The following GRHL3 variants were observed in gnomAD, a reference collection of about 807,000 sequenced individuals.
The protein encoded by GRHL3 is grainyhead-like protein 3 homolog.
A neutral mutation model predicts 70.3 loss-of-function variants in GRHL3; 20 were observed. That is an observed-to-expected ratio of 0.28 (90% confidence interval 0.20 to 0.41). GRHL3 has a LOEUF of 0.41. Among genes scored for constraint, GRHL3 ranks in the 10% least tolerant of loss-of-function variants. The pLI, the probability that GRHL3 is intolerant of heterozygous loss-of-function variation, is 1.00. For synonymous variants in GRHL3, 299 were observed against 299.9 expected, an observed-to-expected ratio of 1.00 and a Z score of 0.03; for missense variants, 637 against 762.3, an observed-to-expected ratio of 0.84 and a Z score of 1.94.
chr1:24,326,588 G>A (rs1450808523), intron 1 of GRHL3, among the ~76,000 whole-genome samples: 1 of 152,176 alleles, frequency 6.6e-6, no homozygotes, highest in Non-Finnish European at 1.5e-5. Context: ...CTCCGTGTCG[G>A]CAGGGATGAC....
chr1:24,343,034 A>G lies in GRHL3; in HGVS notation c.1419+9A>G, dbSNP rs866825041. 3.7e-6 allele frequency: 6 copies of G among 1,613,764 alleles called. No individual in the cohort carries two copies. The Middle Eastern group carries it at 8.3e-4, about 222-fold the overall frequency. ...TGCAGCGCTCTGGAGGGGTGAGGCC[A>G]GGGCTGGGGTCTCGGGAAGGAGCCG... On this transcript the variant is annotated intron_variant, in intron 11 of 15. Transcript: ENST00000361548.
intron 4 of GRHL3, 79 bp downstream of exon 4, chr1:24,336,906 A>G (rs1007616015): frequency 7.5e-7 from 1 of 1,337,746 alleles, no homozygotes; most frequent in Non-Finnish European, 1.0e-6. Context: ...TGAACAGATC[A>G]GAGCTTTGGA....
chr1:24,358,063 G>A (rs1202367102), downstream of GRHL3: 7 of 374,468 alleles, frequency 1.9e-5, no homozygotes, highest in East Asian at 5.1e-4. Context: ...GTAAGTGAGT[G>A]AGGTCAGAAA....
downstream of GRHL3, among the ~76,000 whole-genome samples, chr1:24,355,618 G>A (rs1340592588): frequency 3.9e-5 from 6 of 152,148 alleles, no homozygotes; most frequent in African/African-American, 1.2e-4. Context: ...CCTCACAGCT[G>A]AGGCCATCAG....
At position 24,336,778 on chromosome 1, in the gene GRHL3, C is replaced by CCA; in HGVS notation, c.568_569dup (p.Gln190HisfsTer24). ...TTTGAGAGCATTCATGGGGTGCCGC[C>CCA]CACACAGCGCTGGCAGCCAGACAGC... is the stretch of plus-strand genomic sequence containing the variant. On this transcript the variant is annotated frameshift_variant, in exon 4 of 16. Coordinates refer to ENST00000361548, the MANE Select transcript of GRHL3 (RefSeq NM_198173.3). LOFTEE classifies it high-confidence loss of function. The CCA allele has an allele frequency of 6.2e-7, 1 of 1,612,940 alleles. No individual in the cohort carries two copies. Among genetic ancestry groups the CCA allele is most frequent in the Non-Finnish European group, 8.5e-7 (1 of 1,179,376 alleles).
At chr1:24,336,862 T>A (rs765647968) in intron 4 of GRHL3, 35 bp downstream of exon 4, 10 of 1,479,316 alleles carry the variant, frequency 6.8e-6, no homozygotes, top group Middle Eastern at 1.8e-4. Context: ...ATAGCATAGA[T>A]ATGTGTGTGC....
At chr1:24,333,107 A>G (rs1569871187) in intron 2 of GRHL3, among the ~76,000 whole-genome samples, 1 of 152,352 alleles carries the variant, frequency 6.6e-6, no homozygotes, top group South Asian at 2.1e-4. Context: ...CAGGGCCAGT[A>G]TGGTAGAAGA....
At chr1:24,353,124 T>C (rs552815925) in intron 15 of GRHL3, among the ~76,000 whole-genome samples, 6 of 152,328 alleles carry the variant, frequency 3.9e-5, no homozygotes, top group African/African-American at 1.4e-4. Flanking sequence ...AAGGTTCAAA[T>C]CCCAGCCCTG....
intron 15 of GRHL3, chr1:24,360,857 C>G: frequency 1.2e-6 from 2 of 1,611,064 alleles, no homozygotes; most frequent in Non-Finnish European, 1.7e-6. Flanking sequence ...TGACCTGGGC[C>G]AGGCAGGCCT....
chr1:24,348,152 G>A (rs1472850013), intron 14 of GRHL3, among the ~76,000 whole-genome samples: 1 of 152,192 alleles, frequency 6.6e-6, no homozygotes, highest in African/African-American at 2.4e-5. Flanking sequence ...AAAGCCAGAT[G>A]GTGTCAAGAT....
intron 5 of GRHL3, 78 bp downstream of exon 5, chr1:24,337,229 G>A: frequency 2.1e-6 from 2 of 963,996 alleles, no homozygotes; most frequent in South Asian, 3.0e-5. Flanking sequence ...ACTGTCCCCA[G>A]AGCATAGCAG....
At chr1:24,336,365 T>C (rs1463564753) in intron 3 of GRHL3, 117 bp from the exon 4 acceptor site, 2 of 669,248 alleles carry the variant, frequency 3.0e-6, no homozygotes, top group Non-Finnish European at 5.2e-6. Context: ...GCATGCTGGA[T>C]GGACCTAAAC....
At position 24,354,121 on chromosome 1, in the gene GRHL3, C is replaced by T. The variant is rs34631706; in HGVS notation, c.1695-253C>T. ...GTGTACCAGGAGAGAGGCAATCCGG[C>T]GCAGTAGCTGTGAGTGTGGGGGCCA... On this transcript the variant is annotated intron_variant, in intron 15 of 15. Transcript: ENST00000361548. Among the ~76,000 whole-genome samples the T allele has an allele frequency of 0.19, 28,569 of 152,172 alleles. 3,412 individuals carry two copies. Among genetic ancestry groups the T allele is most frequent in the African/African-American group, 0.33 (13,899 of 41,508 alleles).
intron 3 of GRHL3, among the ~76,000 whole-genome samples, chr1:24,335,758 A>G (rs371800328): frequency 1.1e-4 from 16 of 151,916 alleles, no homozygotes; most frequent in African/African-American, 3.6e-4. Context: ...AATATTTTGT[A>G]TTTTTAGTAG....
At chr1:24,353,875 G>T (rs1640612923) in intron 15 of GRHL3, among the ~76,000 whole-genome samples, 1 of 152,108 alleles carries the variant, frequency 6.6e-6, no homozygotes, top group Non-Finnish European at 1.5e-5. Context: ...ATCCTCCTGA[G>T]ATTTCAGCTT....
chr1:24,344,901 C>A lies in GRHL3; in HGVS notation c.1424C>A (p.Ala475Asp). Reference sequence around the variant, plus strand: ...GTCTTTTTCACTTCATTGCAGGCAGCCCCCTCGGCAGGACCCAGCAGCTCC... The same window carrying A: ...GTCTTTTTCACTTCATTGCAGGCAGACCCCTCGGCAGGACCCAGCAGCTCC... ...FSSLQRSGGA[A>D]PSAGPSSSNR... Residue 475 changes from alanine (A) to aspartate (D), a missense_variant, in exon 12 of 16, where the codon GCC (alanine) becomes GAC (aspartate). Ala to Asp is a moderately radical substitution (Grantham distance 126). This residue lies in a region of GRHL3 where 387 missense variants were observed against 513.8 expected (regional missense o/e 0.75). Transcript: ENST00000361548. The A allele has an allele frequency of 1.9e-6, 3 of 1,613,596 alleles. No homozygotes were observed. Among genetic ancestry groups the A allele is most frequent in the East Asian group, 2.2e-5 (1 of 44,886 alleles).
chr1:24,342,856 G>A lies in GRHL3; in HGVS notation c.1286-36G>A, dbSNP rs200031719. On this transcript the variant is annotated intron_variant, in intron 10 of 15. Transcript: ENST00000361548. The surrounding 1 kb of genome is among the most constrained non-coding windows in gnomAD (Gnocchi z 4.8). ...AGAGGTGGGAGGGACTTGAGTGGAG[G>A]GACCTCGGGGCACATTGGCTTCCTT... 4.8e-4 allele frequency: 775 copies of A among 1,614,076 alleles called. No individual in the cohort carries two copies. Among genetic ancestry groups the A allele is most frequent in the Middle Eastern group, 1.5e-3 (9 of 6,084 alleles).
intron 8 of GRHL3, 129 bp from the exon 9 acceptor site, chr1:24,341,986 T>C (rs1640059408): frequency 3.7e-6 from 3 of 801,650 alleles, no homozygotes; most frequent in African/African-American, 3.4e-5. Flanking sequence ...ATGTTTGCCT[T>C]CTAGGGGCCT....
intron 1 of GRHL3, among the ~76,000 whole-genome samples, chr1:24,325,966 G>T (rs1639373563): frequency 1.3e-5 from 2 of 152,166 alleles, no homozygotes; most frequent in African/African-American, 4.8e-5. Context: ...GATGCCTTGA[G>T]GTACAAGCTC....
Sources: allele counts gnomAD v4.1 joint callset (sites outside exome capture counted in the v4.1 genomes callset), GRCh38; gene constraint gnomAD v4.1.1; regional missense constraint gnomAD v4.1.1; non-coding constraint Gnocchi (gnomAD v3.1); transcripts MANE v1.5; gene names NCBI Gene and HGNC (gene_info 2026-07-23, HGNC 2026-07-21).